The following NIBAN1 variants were observed in gnomAD, a reference collection of about 807,000 sequenced individuals.
The protein encoded by NIBAN1 is protein Niban 1.
In NIBAN1, 81 loss-of-function variants were observed where a neutral mutation model predicts 75.1. That is an observed-to-expected ratio of 1.08 (90% CI 0.90 to 1.30). NIBAN1 has a LOEUF of 1.30. Ranked by LOEUF, NIBAN1 falls within the 50% of genes most tolerant of loss-of-function variation. NIBAN1 has a pLI of 0.00. For synonymous variants in NIBAN1, 436 were observed against 424.8 expected (o/e 1.03, Z -0.32); for missense variants, 1,133 against 1,128.1 (o/e 1.00, Z -0.06).
At chr1:184,835,623 C>T (rs1178005924) in intron 5 of NIBAN1, among the ~76,000 whole-genome samples, 1 of 152,154 alleles carries the variant, frequency 6.6e-6, no homozygotes. Flanking sequence ...TGGGAGTTCA[C>T]TCACGATTTG....
At chr1:184,802,906 C>T (rs911194911) in intron 12 of NIBAN1, among the ~76,000 whole-genome samples, 2 of 152,138 alleles carry the variant, frequency 1.3e-5, no homozygotes, top group East Asian at 1.9e-4. Flanking sequence ...TCTGTGGCCT[C>T]GGCTCAGTGG....
intron 5 of NIBAN1, among the ~76,000 whole-genome samples, chr1:184,858,722 T>C (rs1655740066): frequency 6.6e-6 from 1 of 152,170 alleles, no homozygotes; most frequent in Non-Finnish European, 1.5e-5. Context: ...AACATGAGGA[T>C]ATATGTACAA....
At chr1:184,955,358 T>TTTCCTTTCCTTTCCTTTCCTTTCCTTTCC (rs1571602561) in intron 1 of NIBAN1, among the ~76,000 whole-genome samples, 1 of 150,422 alleles carries the variant, frequency 6.6e-6, no homozygotes, top group East Asian at 1.9e-4. Flanking sequence ...TTTCCTTTCC[T>TTTCCTTTCCTTTCCTTTCCTTTCCTTTCC]TTTCTTTTTT....
intron 1 of NIBAN1, among the ~76,000 whole-genome samples, chr1:184,945,784 A>G (rs1050052475): frequency 1.3e-5 from 2 of 152,216 alleles, no homozygotes; most frequent in African/African-American, 2.4e-5. Context: ...ACAAGAAAGC[A>G]TGGACTTCAA....
At chr1:184,866,361 G>A (rs1223334401) in intron 5 of NIBAN1, among the ~76,000 whole-genome samples, 1 of 152,126 alleles carries the variant, frequency 6.6e-6, no homozygotes, top group Non-Finnish European at 1.5e-5. Context: ...TCAAATTTAG[G>A]AGTCCAAAAG....
At chr1:184,822,239 G>T (rs1239284481) in intron 8 of NIBAN1, among the ~76,000 whole-genome samples, 1 of 152,196 alleles carries the variant, frequency 6.6e-6, no homozygotes, top group African/African-American at 2.4e-5. Context: ...GGGTGTGTTT[G>T]TTGGGTTGTA....
At position 184,941,964 on chromosome 1, in the gene NIBAN1, G is replaced by A. The variant is rs1005606707; in HGVS notation, c.55+32338C>T. Among the ~76,000 whole-genome samples, 9 of 152,230 alleles carry A rather than the reference G, an allele frequency of 5.9e-5. No homozygotes were observed. The East Asian group carries it at 1.5e-3, about 26-fold the overall frequency. On this transcript the variant is annotated intron_variant, in intron 1 of 13. Coordinates refer to ENST00000367511, the MANE Select transcript of NIBAN1 (RefSeq NM_052966.4). ...CAAATTTTTCGGCCACTCATTCTGC[G>A]ACTCTCTGAGTAATCTTGACTCAAC...
rs1291902526 is a variant in NIBAN1 at position 184,890,216 on chromosome 1, G to A, written c.325C>T (p.Gln109Ter). The stretch of plus-strand genomic sequence containing the variant: ...CGACATTTAGGAGCAGCTCCTCTCT[G>A]ATAGGCCTGGGGAGGGAAAGGCACA... Reference protein sequence around the residue: ...VESYENKEAYQRGAAPKCRIL... With the variant: ...VESYENKEAY The change falls in exon 4 of 14, where the codon CAG becomes TAG. Residue 109 changes from glutamine (Q) to a stop codon, truncating the protein, a stop_gained. Coordinates refer to ENST00000367511, the MANE Select transcript of NIBAN1 (RefSeq NM_052966.4). LOFTEE classifies it high-confidence loss of function. 1.9e-6 allele frequency: 3 copies of A among 1,612,828 alleles called. No homozygotes were observed. Among genetic ancestry groups the A allele is most frequent in the Non-Finnish European group, 2.5e-6 (3 of 1,178,870 alleles).
At chr1:184,818,883 C>A in intron 8 of NIBAN1, 58 bp from the exon 9 acceptor site, 5 of 1,533,826 alleles carry the variant, frequency 3.3e-6, no homozygotes, top group Non-Finnish European at 4.4e-6. Context: ...TTTGTGGGCA[C>A]TGGAGCCAGA....
chr1:184,813,228 T>C (rs1006273368), intron 9 of NIBAN1, among the ~76,000 whole-genome samples: 3 of 152,332 alleles, frequency 2.0e-5, no homozygotes, highest in South Asian at 2.1e-4. Flanking sequence ...TAATTATATA[T>C]GTGTTGTGTG....
intron 1 of NIBAN1, among the ~76,000 whole-genome samples, chr1:184,906,639 AAAT>A (rs770094736): frequency 2.0e-5 from 3 of 152,086 alleles, no homozygotes; most frequent in Non-Finnish European, 2.9e-5. Context: ...TCAAAAAAGA[AAAT>A]AATAATAATA....
rs893003071 is a variant in NIBAN1 at position 184,968,437 on chromosome 1, A to AT, written c.55+5864dup. ...TTGGTAGTCTGGCATGCTTGAAGGC[A>AT]TTTTTTTTCACTTAAAATATAAAGT... On this transcript the variant is annotated intron_variant, in intron 1 of 13. Coordinates refer to ENST00000367511, the MANE Select transcript of NIBAN1 (RefSeq NM_052966.4). Among the ~76,000 whole-genome samples the AT allele has an allele frequency of 5.1e-4, 77 of 151,924 alleles. 1 individual carries two copies. The Middle Eastern group carries it at 0.01, about 20-fold the overall frequency.
At chr1:184,855,290 A>G (rs1439724669) in intron 5 of NIBAN1, among the ~76,000 whole-genome samples, 1 of 152,250 alleles carries the variant, frequency 6.6e-6, no homozygotes, top group Non-Finnish European at 1.5e-5. Flanking sequence ...TTTACGTTAC[A>G]ATCAAGAACA....
intron 6 of NIBAN1, among the ~76,000 whole-genome samples, chr1:184,827,458 C>T (rs1159697889): frequency 1.3e-5 from 2 of 151,604 alleles, no homozygotes; most frequent in Non-Finnish European, 2.9e-5. Flanking sequence ...GAGAAAGTAG[C>T]TAATCTAATA....
At chr1:184,873,672 CCA>C (rs1656166203) in intron 5 of NIBAN1, among the ~76,000 whole-genome samples, 2 of 152,172 alleles carry the variant, frequency 1.3e-5, no homozygotes, top group African/African-American at 4.8e-5. Flanking sequence ...AGCCACTTCT[CCA>C]CAATTTATTA....
At chr1:184,818,576 G>A in intron 9 of NIBAN1, 62 bp downstream of exon 9, 1 of 1,433,652 alleles carries the variant, frequency 7.0e-7, no homozygotes, top group Non-Finnish European at 9.4e-7. Flanking sequence ...GGCAGATAAA[G>A]CCCCATGGAA....
In NIBAN1 at chr1:184,823,268, T is replaced by C. The variant is rs201608459; in HGVS notation, c.884A>G (p.Lys295Arg). 2.8e-5 allele frequency: 45 copies of C among 1,614,190 alleles called. No individual in the cohort carries two copies. The highest frequency in any genetic ancestry group is 1.6e-4 in the Middle Eastern group (1 of 6,062). The change falls in exon 8 of 14, where the codon AAG becomes AGG. Residue 295 changes from lysine to arginine, a missense_variant. Transcript: ENST00000367511. ...HQVSEGLSAL[K>R]EECRALTKGL... ...CTTTGTCAGAGCTCTGCATTCCTCC[T>C]TCAAGGCACTTAATCCTTCTGAAAC... is the stretch of plus-strand genomic sequence containing the variant.
At chr1:184,863,093 G>A (rs572370163) in intron 5 of NIBAN1, among the ~76,000 whole-genome samples, 7 of 152,080 alleles carry the variant, frequency 4.6e-5, no homozygotes, top group Non-Finnish European at 1.0e-4. Flanking sequence ...AGAACCTCAC[G>A]TGTAGCAGTT....
intron 1 of NIBAN1, among the ~76,000 whole-genome samples, chr1:184,915,646 A>G (rs181265690): frequency 6.6e-6 from 1 of 152,288 alleles, no homozygotes; most frequent in Admixed American, 6.5e-5. Context: ...CCTCGGCTGT[A>G]TTTGATGTGG....
Sources: gnomAD v4.1 joint callset for allele counts (sites outside exome capture counted in the v4.1 genomes callset) on GRCh38, gnomAD v4.1.1 for gene constraint, MANE v1.5 for transcripts, NCBI Gene and HGNC (gene_info 2026-07-23, HGNC 2026-07-21) for gene names.